Variants in MROH7 observed in about 807,000 individuals in gnomAD.
MROH7 encodes the protein maestro heat-like repeat-containing protein family member 7.
A neutral mutation model predicts 129.2 loss-of-function variants in MROH7; 113 were observed. The ratio of observed to expected loss-of-function variants is 0.87; its 90% CI spans 0.75 to 1.02. MROH7 has a LOEUF of 1.02. MROH7 is among the 50% of genes least tolerant of loss of function. The pLI is 0.00. For missense variants in MROH7, 1,601 were observed against 1,671.3 expected (o/e 0.96, Z 0.73); for synonymous variants, 655 against 667.9 (o/e 0.98, Z 0.30).
rs776225658 is a variant in MROH7 at position 54,686,364 on chromosome 1, A to T, written c.2627A>T (p.His876Leu). The part of the protein sequence containing the change: ...LLALLIQVHY[H>L]IGLNLPGCVA... ...GCCCTGCTCATTCAGGTCCATTACCACATCGGCCTCAACCTGCCTGGCTGC... is the reference window on the plus strand; with the variant it reads ...GCCCTGCTCATTCAGGTCCATTACCTCATCGGCCTCAACCTGCCTGGCTGC... The change falls in exon 15 of 24, where the codon CAC (histidine) becomes CTC (leucine). Residue 876 changes from histidine to leucine, a missense_variant. His to Leu is a moderately conservative substitution (Grantham distance 99). Transcript: ENST00000421030. 1.2e-6 allele frequency: 2 copies of T among 1,614,030 alleles called. No individual in the cohort carries two copies. Among genetic ancestry groups the T allele is most frequent in the African/African-American group, 2.7e-5 (2 of 74,916 alleles).
intron 1 of MROH7, among the ~76,000 whole-genome samples, chr1:54,646,384 T>C (rs1280394996): frequency 6.6e-6 from 1 of 152,222 alleles, no homozygotes. Context: ...TGAGTGTGTG[T>C]TTATGCTGTC....
intron 15 of MROH7, among the ~76,000 whole-genome samples, chr1:54,691,663 G>A (rs564897067): frequency 2.0e-5 from 3 of 152,006 alleles, no homozygotes; most frequent in Admixed American, 6.6e-5. Flanking sequence ...AAAATTAGCC[G>A]GGTGTGGTGG....
Position 54,701,309 on chromosome 1 carries a change from C to T in MROH7, c.3272C>T (p.Pro1091Leu), listed in dbSNP as rs371692735. ...GTGGAGATGCTGCAGATCCTGCTGC[C>T]GCACTTCAGCGACGTGAGGACCTCA... ...VYVEMLQILLPHFSDAREVVR... is the reference protein window; with the variant it reads ...VYVEMLQILLLHFSDAREVVR... The change falls in exon 19 of 24, where the codon CCG becomes CTG. Residue 1091 changes from proline to leucine, a missense_variant. Coordinates refer to ENST00000421030, the MANE Select transcript of MROH7 (RefSeq NM_001039464.4). 127 of 1,592,980 alleles carry T rather than the reference C, an allele frequency of 8.0e-5. 1 individual carries two copies. Among genetic ancestry groups the T allele is most frequent in the Middle Eastern group, 5.1e-4 (3 of 5,920 alleles).
At chr1:54,702,383 G>A in intron 20 of MROH7, 138 bp downstream of exon 20, 1 of 858,034 alleles carries the variant, frequency 1.2e-6, no homozygotes, top group Non-Finnish European at 1.6e-6. Context: ...TTTTCTAAAG[G>A]TGCCCACATC....
intron 1 of MROH7, among the ~76,000 whole-genome samples, chr1:54,642,517 T>C (rs1170136853): frequency 6.6e-6 from 1 of 152,212 alleles, no homozygotes; most frequent in Non-Finnish European, 1.5e-5. Flanking sequence ...GAGTAATTCA[T>C]GTCTTGGGAA....
At position 54,653,025 on chromosome 1, in the gene MROH7, C is replaced by T. The variant is rs1361477069; in HGVS notation, c.99C>T (p.Thr33=). 6.2e-7 allele frequency: 1 copy of T among 1,614,046 alleles called. No individual in the cohort carries two copies. Among genetic ancestry groups the T allele is most frequent in the African/African-American group, 1.3e-5 (1 of 74,928 alleles). ...GGGCCCCGGGATTAGGGTCTGGTAC[C>T]ATCCCTCAGCCCCACCCAGACATGG... ...SCGAPGLGSG[T]IPQPHPDMAQ... The change falls in exon 3 of 24, where the codon ACC becomes ACT. Residue 33 remains threonine (T), a synonymous_variant. Transcript: ENST00000421030.
intron 15 of MROH7, among the ~76,000 whole-genome samples, chr1:54,688,230 A>G (rs1252421236): frequency 6.7e-6 from 1 of 150,160 alleles, no homozygotes; most frequent in Non-Finnish European, 1.5e-5. Context: ...AAAAAAAAAA[A>G]AATTTTTTTT....
chr1:54,707,816 T>C (rs1645559863), intron 22 of MROH7, among the ~76,000 whole-genome samples: 1 of 152,132 alleles, frequency 6.6e-6, no homozygotes, highest in Non-Finnish European at 1.5e-5. Flanking sequence ...TGAAGAAAAT[T>C]ATGAATACTT....
chr1:54,671,901 C>CTA (rs2101110853), intron 7 of MROH7, among the ~76,000 whole-genome samples: 1 of 151,900 alleles, frequency 6.6e-6, no homozygotes, highest in Admixed American at 6.6e-5. Context: ...GTACTTGGTG[C>CTA]TATAAAGAGC....
Position 54,679,317 on chromosome 1 carries a change from C to G in MROH7, c.2104C>G (p.Leu702Val). The G allele has an allele frequency of 6.2e-7, 1 of 1,614,188 alleles. No homozygotes were observed. The highest frequency in any genetic ancestry group is 8.5e-7 in the Non-Finnish European group (1 of 1,180,040). The change falls in exon 12 of 24, where the codon CTG becomes GTG. Residue 702 changes from leucine (L) to valine (V), a missense_variant. Transcript: ENST00000421030. ...GATAAAGGACCTGCTGCTGGCCGCC[C>G]TGGAAGGGCTGAAAGGCAGCTCAGA... The part of the protein sequence containing the change: ...QQIKDLLLAA[L>V]EGLKGSSEAP...
intron 23 of MROH7, 29 bp from the exon 24 acceptor site, chr1:54,709,917 A>G (rs781350304): frequency 1.1e-5 from 17 of 1,602,090 alleles, no homozygotes; most frequent in African/African-American, 2.7e-5. Context: ...GGGTCTTAAT[A>G]GGAGGCTTCT....
Position 54,653,964 on chromosome 1 carries a change from C to G in MROH7, c.1038C>G (p.Ser346Arg), listed in dbSNP as rs758888672. The stretch of plus-strand genomic sequence containing the variant: ...GCCTGGACTCCAGCCTCCTGTTCAG[C>G]GACACCTCCACCTTGACGCTGAGCA... ...TLSLDSSLLF[S>R]DTSTLTLSSQ... Residue 346 changes from serine to arginine, a missense_variant, in exon 3 of 24, where the codon AGC becomes AGG. Physicochemically the swap from Ser to Arg is moderately radical, Grantham distance 110. Transcript: ENST00000421030. 2 of 1,614,068 alleles carry G rather than the reference C, an allele frequency of 1.2e-6. No individual in the cohort carries two copies. The highest frequency in any genetic ancestry group is 1.7e-6 in the Non-Finnish European group (2 of 1,180,038).
intron 10 of MROH7, among the ~76,000 whole-genome samples, chr1:54,678,375 A>C (rs1229738440): frequency 6.6e-6 from 1 of 152,256 alleles, no homozygotes; most frequent in Non-Finnish European, 1.5e-5. Context: ...TGAATGAAAG[A>C]ACTAATGCTG....
intron 21 of MROH7, among the ~76,000 whole-genome samples, chr1:54,704,604 AT>A (rs369256364): frequency 0.01 from 1,458 of 145,314 alleles, 17 homozygotes; most frequent in African/African-American, 0.034. Flanking sequence ...ACACCCAGCT[AT>A]TTTTTTTTTG....
At chr1:54,659,567 C>A (rs565931121) in intron 3 of MROH7, among the ~76,000 whole-genome samples, 1 of 152,134 alleles carries the variant, frequency 6.6e-6, no homozygotes, top group African/African-American at 2.4e-5. Context: ...AATTCTCCTG[C>A]CTTAGCCTCC....
intron 15 of MROH7, among the ~76,000 whole-genome samples, chr1:54,688,217 C>A: frequency 7.0e-6 from 1 of 142,514 alleles, no homozygotes; most frequent in African/African-American, 2.7e-5. Flanking sequence ...GAGACTCCGT[C>A]TCAAAAAAAA....
At chr1:54,706,702 A>G (rs1645540427) in intron 22 of MROH7, among the ~76,000 whole-genome samples, 165 bp downstream of exon 22, 1 of 152,144 alleles carries the variant, frequency 6.6e-6, no homozygotes, top group Non-Finnish European at 1.5e-5. Flanking sequence ...GGTTTTCCCC[A>G]CTCTAAGATC....
chr1:54,688,231 A>T (rs1459279799), intron 15 of MROH7, among the ~76,000 whole-genome samples: 3 of 148,946 alleles, frequency 2.0e-5, no homozygotes, highest in Non-Finnish European at 4.4e-5. Context: ...AAAAAAAAAA[A>T]ATTTTTTTTT....
chr1:54,649,289 A>T (rs1210258424), intron 1 of MROH7, among the ~76,000 whole-genome samples: 2 of 152,218 alleles, frequency 1.3e-5, no homozygotes, highest in South Asian at 2.1e-4. Flanking sequence ...TAGTTGTTTT[A>T]TGGGTGTGCT....
Sources: allele counts gnomAD v4.1 joint callset (sites outside exome capture counted in the v4.1 genomes callset), GRCh38; gene constraint gnomAD v4.1.1; transcripts MANE v1.5; gene names NCBI Gene and HGNC (gene_info 2026-07-23, HGNC 2026-07-21).